The following PDE1A variants were observed in gnomAD, a reference collection of about 807,000 sequenced individuals.
The protein encoded by PDE1A is dual specificity calcium/calmodulin-dependent 3',5'-cyclic nucleotide phosphodiesterase 1A.
In PDE1A, 35 loss-of-function variants were observed where a neutral mutation model predicts 61.7. The observed-to-expected ratio is 0.57, with a 90% CI of 0.43 to 0.75. The LOEUF is 0.75. Among genes scored for constraint, PDE1A ranks in the 30% least tolerant of loss-of-function variants. The pLI, the probability that PDE1A is intolerant of heterozygous loss-of-function variation, is 0.00. For missense variants in PDE1A, 597 were observed against 630.6 expected (o/e 0.95, Z 0.57); for synonymous variants, 232 against 213.2 (o/e 1.09, Z -0.77).
At chr2:182,170,245 AC>A (rs1168456460) in intron 13 of PDE1A, among the ~76,000 whole-genome samples, 1 of 152,044 alleles carries the variant, frequency 6.6e-6, no homozygotes, top group Non-Finnish European at 1.5e-5. Flanking sequence ...AGTGAGCTTC[AC>A]TTTTGTCAGA....
rs1431585191 is a variant in PDE1A at position 182,185,815 on chromosome 2, A to G, written c.1516+77T>C. 1.9e-6 allele frequency: 3 copies of G among 1,599,752 alleles called. No individual in the cohort carries two copies. In the African/African-American group the frequency reaches 4.0e-5, roughly 21 times the overall value. On this transcript the variant is annotated intron_variant, in intron 13 of 13. Coordinates refer to ENST00000351439, the Ensembl canonical transcript of PDE1A. ...ACATATTCTATAGAAGAAGAAATCT[A>G]GAAGAAGTAATCCAAACTCTTAGAG...
the PDE1A span, among the ~76,000 whole-genome samples, chr2:182,617,966 A>G: frequency 2.0e-5 from 3 of 152,112 alleles, no homozygotes; most frequent in African/African-American, 4.8e-5. Flanking sequence ...TTTTCTTTCA[A>G]TCTCATACAT....
At chr2:182,170,075 C>T (rs1692049573) in intron 13 of PDE1A, among the ~76,000 whole-genome samples, 1 of 151,930 alleles carries the variant, frequency 6.6e-6, no homozygotes, top group Non-Finnish European at 1.5e-5. Flanking sequence ...ACTTTTTGCT[C>T]TGGAGGGAAG....
At chr2:182,698,460 TAA>T in the PDE1A span, among the ~76,000 whole-genome samples, 1 of 152,124 alleles carries the variant, frequency 6.6e-6, no homozygotes, top group Non-Finnish European at 1.5e-5. Context: ...TAAAAATAAC[TAA>T]AGAGTGGTTA....
chr2:182,167,171 T>C (rs1032412339), downstream of PDE1A, among the ~76,000 whole-genome samples: 1 of 152,150 alleles, frequency 6.6e-6, no homozygotes, highest in Non-Finnish European at 1.5e-5. Flanking sequence ...ACTTCCTAAA[T>C]TCCTACGGCT....
the PDE1A span, among the ~76,000 whole-genome samples, chr2:182,621,585 A>T: frequency 9.3e-5 from 14 of 150,414 alleles, no homozygotes; most frequent in South Asian, 6.3e-4. Context: ...TTAAAAAAAA[A>T]TTTTTTTTTT....
chr2:182,278,523 T>C (rs980193247), intron 1 of PDE1A, among the ~76,000 whole-genome samples: 2 of 146,604 alleles, frequency 1.4e-5, no homozygotes, highest in African/African-American at 4.9e-5. Flanking sequence ...ATATGAGTGG[T>C]TTATAAGTCA....
chr2:182,303,356 T>C (rs1162978557), intron 1 of PDE1A, among the ~76,000 whole-genome samples: 1 of 152,212 alleles, frequency 6.6e-6, no homozygotes, highest in East Asian at 1.9e-4. Context: ...TGTATACATC[T>C]CCATTAGAGC....
chr2:182,377,140 C>A (rs1283422594), intron 1 of PDE1A, among the ~76,000 whole-genome samples: 2 of 152,108 alleles, frequency 1.3e-5, no homozygotes, highest in African/African-American at 4.8e-5. Context: ...ATATTTGTCC[C>A]TGCCCAAATC....
chr2:182,590,342 C>G, the PDE1A span, among the ~76,000 whole-genome samples: 79 of 152,114 alleles, frequency 5.2e-4, no homozygotes, highest in Non-Finnish European at 8.7e-4. Context: ...GTGGTGCCCG[C>G]CCATAGTCCC....
At chr2:182,657,382 T>C in the PDE1A span, among the ~76,000 whole-genome samples, 4 of 152,208 alleles carry the variant, frequency 2.6e-5, no homozygotes, top group Non-Finnish European at 5.9e-5. Flanking sequence ...TTTAACACTA[T>C]TACAAATATA....
chr2:182,424,478 C>A (rs1227989858), intron 1 of PDE1A, among the ~76,000 whole-genome samples: 1 of 152,208 alleles, frequency 6.6e-6, no homozygotes, highest in East Asian at 1.9e-4. Flanking sequence ...TCTGAAAAGT[C>A]AGGCTTGAGA....
At chr2:182,202,045 T>C (rs1686703381) in intron 8 of PDE1A, among the ~76,000 whole-genome samples, 1 of 152,028 alleles carries the variant, frequency 6.6e-6, no homozygotes, top group Admixed American at 6.5e-5. Flanking sequence ...TGCTTTCCCT[T>C]CTCACTCCCA....
At chr2:182,694,829 G>GC in the PDE1A span, among the ~76,000 whole-genome samples, 1 of 100,922 alleles carries the variant, frequency 9.9e-6, no homozygotes, top group Non-Finnish European at 2.4e-5. Flanking sequence ...AAAAGGTGGG[G>GC]GGGGGGCAAC....
chr2:182,605,709 T>C, the PDE1A span, among the ~76,000 whole-genome samples: 1 of 152,228 alleles, frequency 6.6e-6, no homozygotes, highest in Non-Finnish European at 1.5e-5. Flanking sequence ...ACCTCTGTTA[T>C]CCCCTCCTAA....
chr2:182,194,905 A>C (rs1195806669), intron 10 of PDE1A, among the ~76,000 whole-genome samples: 2 of 151,890 alleles, frequency 1.3e-5, no homozygotes, highest in East Asian at 3.9e-4. Flanking sequence ...ACACACACAC[A>C]CACACACACA....
chr2:182,532,956 A>AC, the PDE1A span, among the ~76,000 whole-genome samples: 1 of 149,024 alleles, frequency 6.7e-6, no homozygotes, highest in African/African-American at 2.5e-5. Flanking sequence ...AAAAAAAAAA[A>AC]AAAAAAAAAA....
rs10497595 is a variant in PDE1A, at chr2:182,188,917, T to A, written c.1207+62A>T. On this transcript the variant is annotated intron_variant, in intron 11 of 13. Transcript: ENST00000351439. ...AGTTACCCCTTTGAACAACATCGTT[T>A]ACCCATTTGAAAACTGACAAGCACA... The A allele has an allele frequency of 7.9e-3, 8,276 of 1,052,880 alleles. 403 individuals are homozygous for A. In the African/African-American group the frequency reaches 0.11, roughly 14 times the overall value. 65.2% of individuals were successfully genotyped at this position (1,052,880 alleles called of 1,614,324 possible).
chr2:182,145,393 C>T (rs1050895600), downstream of PDE1A, among the ~76,000 whole-genome samples: 13 of 152,082 alleles, frequency 8.5e-5, no homozygotes, highest in African/African-American at 2.9e-4. Context: ...ATCGTCTGCT[C>T]GGGCTTAAAT....
Sources: gnomAD v4.1 joint callset for allele counts (sites outside exome capture counted in the v4.1 genomes callset) on GRCh38, gnomAD v4.1.1 for gene constraint, MANE v1.5 for transcripts, NCBI Gene and HGNC (gene_info 2026-07-23, HGNC 2026-07-21) for gene names.